The following DPYD variants were observed in gnomAD, a reference collection of about 807,000 sequenced individuals.
The protein encoded by DPYD is dihydropyrimidine dehydrogenase.
In DPYD, 109 loss-of-function variants were observed where a neutral mutation model predicts 116.2. The ratio of observed to expected loss-of-function variants is 0.94; its 90% CI spans 0.80 to 1.10. The LOEUF is 1.10. Among genes scored for constraint, DPYD ranks in the 50% least tolerant of loss-of-function variants. The pLI is 0.00. For synonymous variants in DPYD, 440 were observed against 432.0 expected, an observed-to-expected ratio of 1.02 and a Z score of -0.23; for missense variants, 1,302 against 1,254.5, an observed-to-expected ratio of 1.04 and a Z score of -0.57.
In DPYD at chr1:97,241,763, T is replaced by C. The variant is rs183557271; in HGVS notation, c.2300-6769A>G. 3.7e-3 allele frequency among the ~76,000 whole-genome samples: 555 copies of C among 151,942 alleles called. 4 individuals carry two copies. The highest frequency in any genetic ancestry group is 7.9e-3 in the Admixed American group (121 of 15,226). On this transcript the variant is annotated intron_variant, in intron 18 of 22. Transcript: ENST00000370192. ...CCTAATTAAAAAACAAGGACATTAATACTAATAATATTCCAGGGAGTTTGG... is the reference window on the plus strand; with the variant it reads ...CCTAATTAAAAAACAAGGACATTAACACTAATAATATTCCAGGGAGTTTGG...
In DPYD at chr1:97,827,695, TA is replaced by T. The variant is rs530945535; in HGVS notation, c.233+418del. 2.9e-3 allele frequency among the ~76,000 whole-genome samples: 436 copies of T among 152,170 alleles called. 3 individuals are homozygous for T. Among genetic ancestry groups the T allele is most frequent in the African/African-American group, 9.4e-3 (390 of 41,548 alleles). On this transcript the variant is annotated intron_variant, in intron 3 of 22. Coordinates refer to ENST00000370192, the MANE Select transcript of DPYD (RefSeq NM_000110.4). ...AATACTATAATATAATATAATCCTA[TA>T]AAATGTTATAGAAGATGAAAATGTA... is the stretch of plus-strand genomic sequence containing the variant.
intron 13 of DPYD, among the ~76,000 whole-genome samples, chr1:97,469,396 G>GAAAAAAAAAAAAAAAAAAAAA (rs1557733908): frequency 1.2e-4 from 1 of 8,520 alleles, no homozygotes; most frequent in African/African-American, 5.9e-4. Context: ...AGCTAAAATT[G>GAAAAAAAAAAAAAAAAAAAAA]CAAAAAAAAA....
At chr1:97,610,810 G>C (rs1364129893) in intron 8 of DPYD, among the ~76,000 whole-genome samples, 1 of 151,886 alleles carries the variant, frequency 6.6e-6, no homozygotes, top group Non-Finnish European at 1.5e-5. Flanking sequence ...TTCATTGTTT[G>C]CTCAAATCAT....
At chr1:97,820,714 C>T (rs1668879034) in intron 3 of DPYD, among the ~76,000 whole-genome samples, 2 of 152,148 alleles carry the variant, frequency 1.3e-5, no homozygotes, top group Non-Finnish European at 2.9e-5. Context: ...ACATTCTGTA[C>T]TGGTAGTTCA....
intron 12 of DPYD, among the ~76,000 whole-genome samples, chr1:97,547,512 T>C (rs1311490324): frequency 2.6e-5 from 4 of 151,764 alleles, no homozygotes; most frequent in Admixed American, 2.6e-4. Context: ...TTGTGTTCTT[T>C]TTCTTTCTTT....
chr1:97,418,306 ATT>A (rs71311934), intron 14 of DPYD, among the ~76,000 whole-genome samples: 10 of 144,092 alleles, frequency 6.9e-5, no homozygotes, highest in Admixed American at 1.4e-4. Flanking sequence ...ATATAAGATG[ATT>A]TTTTTTTTTT....
chr1:97,829,641 A>G (rs1440392728), intron 2 of DPYD, among the ~76,000 whole-genome samples: 1 of 152,104 alleles, frequency 6.6e-6, no homozygotes, highest in South Asian at 2.1e-4. Flanking sequence ...AATGTTGTTG[A>G]TTGAGACCAT....
At chr1:97,413,889 A>C in intron 14 of DPYD, among the ~76,000 whole-genome samples, 1 of 152,120 alleles carries the variant, frequency 6.6e-6, no homozygotes, top group East Asian at 1.9e-4. Flanking sequence ...GGTAACTATC[A>C]GCCAAGCCAG....
At chr1:97,450,258 G>T in intron 13 of DPYD, 35 bp from the exon 14 acceptor site, 1 of 1,610,224 alleles carries the variant, frequency 6.2e-7, no homozygotes, top group South Asian at 1.1e-5. Flanking sequence ...GTCTCCTTTT[G>T]ACAAAGAAAA....
chr1:97,479,210 G>A (rs1338236632), intron 13 of DPYD, among the ~76,000 whole-genome samples: 1 of 152,152 alleles, frequency 6.6e-6, no homozygotes, highest in East Asian at 1.9e-4. Flanking sequence ...AAGAGGCCTA[G>A]ATTTCAGCCC....
At chr1:97,332,097 T>A (rs192049843) in intron 16 of DPYD, among the ~76,000 whole-genome samples, 2 of 152,310 alleles carry the variant, frequency 1.3e-5, no homozygotes, top group African/African-American at 4.8e-5. Context: ...ACACTGAGAA[T>A]TCCGTTGGTA....
At chr1:97,761,724 C>T (rs1379097386) in intron 3 of DPYD, among the ~76,000 whole-genome samples, 3 of 152,114 alleles carry the variant, frequency 2.0e-5, no homozygotes, top group Non-Finnish European at 1.5e-5. Context: ...CACTGCAGCA[C>T]TATTCACAAT....
intron 7 of DPYD, 131 bp downstream of exon 7, chr1:97,691,586 C>A: frequency 1.3e-6 from 1 of 784,420 alleles, no homozygotes. Flanking sequence ...GGGGAAGCAT[C>A]TTTCTGCTTC....
rs762223231 is a variant in DPYD, at chr1:97,814,228, G to A, written c.233+13886C>T. On this transcript the variant is annotated intron_variant, in intron 3 of 22. Coordinates refer to ENST00000370192, the MANE Select transcript of DPYD (RefSeq NM_000110.4). ...TGGAAAGTTTTAGGGATGGAAAGAC[G>A]GTTGGTCAGAAGCTTTGTGAGCAAG... is the stretch of plus-strand genomic sequence containing the variant. Among the ~76,000 whole-genome samples, 4 of 152,094 alleles carry A rather than the reference G, an allele frequency of 2.6e-5. 1 individual carries two copies. The highest frequency in any genetic ancestry group is 4.1e-4 in the South Asian group (2 of 4,830).
At chr1:97,900,256 G>A (rs1474775131) in intron 1 of DPYD, among the ~76,000 whole-genome samples, 5 of 151,826 alleles carry the variant, frequency 3.3e-5, no homozygotes, top group Non-Finnish European at 5.9e-5. Flanking sequence ...GGTGCTATAC[G>A]CACTCTAGTA....
At chr1:97,810,118 C>T (rs1009051257) in intron 3 of DPYD, among the ~76,000 whole-genome samples, 7 of 151,652 alleles carry the variant, frequency 4.6e-5, no homozygotes, top group Admixed American at 3.3e-4. Flanking sequence ...AACCCCGTCT[C>T]TACTAAAAAT....
At chr1:97,597,503 A>G (rs530608833) in intron 8 of DPYD, among the ~76,000 whole-genome samples, 1 of 152,232 alleles carries the variant, frequency 6.6e-6, no homozygotes, top group Non-Finnish European at 1.5e-5. Context: ...GGTTAGGGTT[A>G]GATGTCAATT....
At chr1:97,672,558 TAA>T (rs1659926188) in intron 8 of DPYD, among the ~76,000 whole-genome samples, 2 of 152,196 alleles carry the variant, frequency 1.3e-5, no homozygotes, top group Non-Finnish European at 2.9e-5. Context: ...TGCTTAAAAT[TAA>T]GTCAGGTTTA....
Position 97,277,171 on chromosome 1 carries a change from A to G in DPYD, c.2299+28088T>C, listed in dbSNP as rs577527599. Among the ~76,000 whole-genome samples the G allele has an allele frequency of 1.2e-4, 18 of 152,244 alleles. No individual in the cohort carries two copies. The South Asian group carries it at 3.5e-3, about 30-fold the overall frequency. Reference sequence around the variant, plus strand: ...AGCTAAACACTGGGTATACATGGACATATAGATGGGAACAACAGACACTTG... The same window carrying G: ...AGCTAAACACTGGGTATACATGGACGTATAGATGGGAACAACAGACACTTG... On this transcript the variant is annotated intron_variant, in intron 18 of 22. Transcript: ENST00000370192.
Sources: gnomAD v4.1 joint callset for allele counts (sites outside exome capture counted in the v4.1 genomes callset) on GRCh38, gnomAD v4.1.1 for gene constraint, MANE v1.5 for transcripts, NCBI Gene and HGNC (gene_info 2026-07-23, HGNC 2026-07-21) for gene names.